GRM8: variants seen among roughly 807,000 people sequenced by gnomAD.
GRM8 encodes the protein glutamate metabotropic receptor 8.
A neutral mutation model predicts 87.2 loss-of-function variants in GRM8; 47 were observed. That is an observed-to-expected ratio of 0.54 (90% CI 0.43 to 0.69). GRM8 has a LOEUF of 0.69. GRM8 is among the 30% of genes least tolerant of loss of function. The probability of loss-of-function intolerance (pLI) is 0.00; values close to 1 mark genes in which losing one functional copy is unlikely to be tolerated. For missense variants in GRM8, 1,019 were observed against 1,139.2 expected, an observed-to-expected ratio of 0.89 and a Z score of 1.52; for synonymous variants, 396 against 404.5, an observed-to-expected ratio of 0.98 and a Z score of 0.25.
At chr7:127,241,045 C>A (rs1480982027) in intron 2 of GRM8, among the ~76,000 whole-genome samples, 1 of 152,236 alleles carries the variant, frequency 6.6e-6, no homozygotes, top group Non-Finnish European at 1.5e-5. Context: ...CTCCAGCACA[C>A]CCTGAAGCCT....
intron 7 of GRM8, among the ~76,000 whole-genome samples, chr7:126,634,392 C>T (rs1421376016): frequency 2.0e-5 from 3 of 152,118 alleles, no homozygotes; most frequent in Non-Finnish European, 4.4e-5. Context: ...TGCCTTATTT[C>T]CCCTTCTCAT....
chr7:127,080,463 C>T (rs1331355889), intron 3 of GRM8, among the ~76,000 whole-genome samples: 1 of 152,174 alleles, frequency 6.6e-6, no homozygotes, highest in Non-Finnish European at 1.5e-5. Context: ...GCACATCCCC[C>T]ATCCCCAAGA....
At chr7:126,576,849 A>G (rs977845113) in intron 8 of GRM8, among the ~76,000 whole-genome samples, 115 of 152,196 alleles carry the variant, frequency 7.6e-4, no homozygotes, top group African/African-American at 2.2e-3. Flanking sequence ...CTAATTATAA[A>G]CCAGACTTAC....
intron 3 of GRM8, among the ~76,000 whole-genome samples, chr7:127,015,878 A>G (rs929635963): frequency 1.3e-5 from 2 of 152,148 alleles, no homozygotes; most frequent in African/African-American, 4.8e-5. Flanking sequence ...AATAGTGACA[A>G]TCAATTCAAA....
At position 126,562,908 on chromosome 7, in the gene GRM8, A is replaced by G. The variant is rs536129618; in HGVS notation, c.1495-29021T>C. On this transcript the variant is annotated intron_variant, in intron 8 of 10. Coordinates refer to ENST00000339582, the MANE Select transcript of GRM8 (RefSeq NM_000845.3). Reference sequence around the variant, plus strand: ...GCAAAACTCCATCTCAAATAAATAAATAAGCAAAGGTTTTAAATAAACAAG... The same window carrying G: ...GCAAAACTCCATCTCAAATAAATAAGTAAGCAAAGGTTTTAAATAAACAAG... 9.8e-5 allele frequency among the ~76,000 whole-genome samples: 15 copies of G among 152,346 alleles called. No homozygotes were observed. In the South Asian group the frequency reaches 3.1e-3, roughly 32 times the overall value.
intron 6 of GRM8, among the ~76,000 whole-genome samples, chr7:126,816,795 T>C (rs531179345): frequency 3.1e-4 from 47 of 151,110 alleles, no homozygotes; most frequent in Non-Finnish European, 6.3e-4. Context: ...TTCAAGCATA[T>C]ACAGAGGTAC....
chr7:126,756,987 A>G (rs1180187689), intron 7 of GRM8, among the ~76,000 whole-genome samples: 2 of 152,186 alleles, frequency 1.3e-5, no homozygotes, highest in Non-Finnish European at 2.9e-5. Context: ...GTATTGTACT[A>G]AAATGTAAAC....
chr7:126,552,706 T>C (rs1792716915), intron 8 of GRM8, among the ~76,000 whole-genome samples: 1 of 152,120 alleles, frequency 6.6e-6, no homozygotes, highest in South Asian at 2.1e-4. Flanking sequence ...TTATTTAAAA[T>C]GGTTATACAT....
intron 9 of GRM8, among the ~76,000 whole-genome samples, chr7:126,529,203 T>A (rs1283741045): frequency 6.6e-6 from 1 of 152,202 alleles, no homozygotes; most frequent in Non-Finnish European, 1.5e-5. Flanking sequence ...AAAATTGTTA[T>A]AATGGAGATT....
intron 3 of GRM8, among the ~76,000 whole-genome samples, chr7:127,032,292 T>C (rs371393223): frequency 1.3e-5 from 2 of 152,276 alleles, no homozygotes; most frequent in Admixed American, 6.5e-5. Context: ...ACTTTCTACT[T>C]TAGCGTTTCC....
chr7:126,603,353 C>T (rs369071703), intron 8 of GRM8, among the ~76,000 whole-genome samples: 8 of 148,580 alleles, frequency 5.4e-5, no homozygotes, highest in African/African-American at 2.0e-4. Flanking sequence ...TCTCACCGCT[C>T]CTATTCAACA....
chr7:126,497,662 G>C (rs1808968179), intron 9 of GRM8, among the ~76,000 whole-genome samples: 1 of 151,914 alleles, frequency 6.6e-6, no homozygotes, highest in South Asian at 2.1e-4. Flanking sequence ...TAGATGGAAT[G>C]GTTTTTATCC....
chr7:126,609,607 T>C, intron 7 of GRM8, 109 bp from the exon 8 acceptor site: 1 of 781,932 alleles, frequency 1.3e-6, no homozygotes, highest in African/African-American at 1.7e-5. Flanking sequence ...GTGAAGTAAG[T>C]GATGCAAAGA....
At chr7:127,251,917 G>A (rs1209070853) in intron 1 of GRM8, among the ~76,000 whole-genome samples, 1 of 152,204 alleles carries the variant, frequency 6.6e-6, no homozygotes, top group Non-Finnish European at 1.5e-5. Flanking sequence ...TGCTAACTCG[G>A]AGAACGCAAA....
At chr7:126,823,894 T>G (rs1357175653) in intron 6 of GRM8, among the ~76,000 whole-genome samples, 1 of 152,142 alleles carries the variant, frequency 6.6e-6, no homozygotes, top group Non-Finnish European at 1.5e-5. Flanking sequence ...AAATTTGCCT[T>G]CTCTCCTAGC....
chr7:126,580,615 GC>G (rs941763381), intron 8 of GRM8, among the ~76,000 whole-genome samples: 1 of 152,048 alleles, frequency 6.6e-6, no homozygotes, highest in Non-Finnish European at 1.5e-5. Flanking sequence ...AGATATATAT[GC>G]TTTTGAATTT....
At chr7:126,473,820 T>G (rs761814118) in intron 9 of GRM8, among the ~76,000 whole-genome samples, 2 of 152,046 alleles carry the variant, frequency 1.3e-5, no homozygotes, top group African/African-American at 2.4e-5. Context: ...TGGTAGTGAA[T>G]ATGTCTCATG....
At chr7:126,986,341 C>T (rs1234701346) in intron 3 of GRM8, among the ~76,000 whole-genome samples, 1 of 152,140 alleles carries the variant, frequency 6.6e-6, no homozygotes, top group Non-Finnish European at 1.5e-5. Flanking sequence ...TTATCATAAC[C>T]TGCTTTAGTA....
chr7:126,594,709 AAG>A (rs1400716051), intron 8 of GRM8, among the ~76,000 whole-genome samples: 3 of 152,136 alleles, frequency 2.0e-5, no homozygotes, highest in African/African-American at 7.2e-5. Context: ...AAAATGCTAA[AAG>A]AGTGGATATA....
Sources: gnomAD v4.1 joint callset for allele counts (sites outside exome capture counted in the v4.1 genomes callset) on GRCh38, gnomAD v4.1.1 for gene constraint, MANE v1.5 for transcripts, NCBI Gene and HGNC (gene_info 2026-07-23, HGNC 2026-07-21) for gene names.